The following RANBP2 variants were observed in gnomAD, a reference collection of about 807,000 sequenced individuals.
RANBP2 encodes E3 SUMO-protein ligase RanBP2.
Under a neutral mutation model 303.6 loss-of-function variants are expected in RANBP2, and 57 were observed. The observed-to-expected ratio is 0.19, with a 90% CI of 0.15 to 0.23. The LOEUF (loss-of-function observed/expected upper bound fraction) is 0.23, where lower values mean the gene tolerates loss of function less well. Among genes scored for constraint, RANBP2 ranks in the 10% least tolerant of loss-of-function variants. The probability of loss-of-function intolerance (pLI) is 1.00; values close to 1 mark genes in which losing one functional copy is unlikely to be tolerated. For missense variants in RANBP2, 3,138 were observed against 3,780.8 expected, an observed-to-expected ratio of 0.83 and a Z score of 4.46; for synonymous variants, 1,167 against 1,301.5, an observed-to-expected ratio of 0.90 and a Z score of 2.23.
chr2:109,234,569 G>A, the RANBP2 span, among the ~76,000 whole-genome samples: 1 of 152,200 alleles, frequency 6.6e-6, no homozygotes, highest in East Asian at 1.9e-4. Flanking sequence ...TGCAGTAACA[G>A]GCTGCCCTCG....
At chr2:109,111,638 T>C in the RANBP2 span, among the ~76,000 whole-genome samples, 1 of 151,770 alleles carries the variant, frequency 6.6e-6, no homozygotes, top group South Asian at 2.1e-4. Flanking sequence ...AAATTTTTGT[T>C]ATTATTATTA....
intron 6 of RANBP2, among the ~76,000 whole-genome samples, chr2:108,738,006 G>A (rs946143596): frequency 2.0e-5 from 3 of 149,226 alleles, no homozygotes; most frequent in Admixed American, 1.3e-4. Context: ...GAGCCACCGC[G>A]CCCAGCCCAC....
the RANBP2 span, among the ~76,000 whole-genome samples, chr2:109,569,601 T>G: frequency 7.2e-5 from 11 of 152,164 alleles, no homozygotes; most frequent in Non-Finnish European, 1.3e-4. Context: ...CAGAAAACTT[T>G]CCAGCAATCC....
chr2:108,927,073 A>T, the RANBP2 span, among the ~76,000 whole-genome samples: 1 of 152,164 alleles, frequency 6.6e-6, no homozygotes, highest in Non-Finnish European at 1.5e-5. Flanking sequence ...GGGCGTTGGG[A>T]CTGGCAGTGA....
At chr2:109,640,922 G>A in the RANBP2 span, among the ~76,000 whole-genome samples, 1 of 152,090 alleles carries the variant, frequency 6.6e-6, no homozygotes, top group African/African-American at 2.4e-5. Context: ...CCTGACACTT[G>A]GAGGCTATGG....
chr2:109,474,596 A>T, the RANBP2 span, among the ~76,000 whole-genome samples: 1 of 152,178 alleles, frequency 6.6e-6, no homozygotes, highest in Non-Finnish European at 1.5e-5. Flanking sequence ...CTTCAGACTT[A>T]CCCAGGTTTG....
the RANBP2 span, among the ~76,000 whole-genome samples, chr2:109,391,742 C>A: frequency 1.3e-5 from 2 of 152,202 alleles, no homozygotes; most frequent in Non-Finnish European, 2.9e-5. Flanking sequence ...GGGAACAGAA[C>A]GGCCACCAAC....
the RANBP2 span, among the ~76,000 whole-genome samples, chr2:108,879,202 G>A: frequency 1.3e-5 from 2 of 152,176 alleles, no homozygotes; most frequent in Admixed American, 1.3e-4. Context: ...GAACTCCTGA[G>A]CTCGAGCAGT....
the RANBP2 span, among the ~76,000 whole-genome samples, chr2:108,798,826 C>T: frequency 6.9e-6 from 1 of 145,368 alleles, no homozygotes; most frequent in African/African-American, 2.7e-5. Flanking sequence ...TACACACACA[C>T]ACACACACAC....
chr2:109,115,222 C>T, the RANBP2 span, among the ~76,000 whole-genome samples: 3 of 152,156 alleles, frequency 2.0e-5, no homozygotes, highest in Non-Finnish European at 2.9e-5. Context: ...CTAATGTTGA[C>T]AGTGAGGTGT....
the RANBP2 span, chr2:109,618,089 G>A: frequency 1.8e-5 from 3 of 166,840 alleles, no homozygotes; most frequent in Non-Finnish European, 4.4e-5. Flanking sequence ...CATTTATTGT[G>A]GGATTTCAGA....
chr2:109,355,523 A>G, the RANBP2 span, among the ~76,000 whole-genome samples: 31 of 152,068 alleles, frequency 2.0e-4, no homozygotes, highest in Non-Finnish European at 4.6e-4. Flanking sequence ...TTGACCTACA[A>G]CTCCTGAAAT....
chr2:109,614,183 G>A, the RANBP2 span: 1 of 1,157,342 alleles, frequency 8.6e-7, no homozygotes, highest in Non-Finnish European at 1.1e-6. Flanking sequence ...AGCAGTGATT[G>A]CGGCCCTCGC....
the RANBP2 span, among the ~76,000 whole-genome samples, chr2:109,423,990 G>T: frequency 1.3e-5 from 2 of 152,248 alleles, no homozygotes; most frequent in Admixed American, 1.3e-4. Context: ...GCAAAGGTCG[G>T]AGACGTCTGG....
At chr2:109,643,491 G>T in the RANBP2 span, among the ~76,000 whole-genome samples, 1 of 152,192 alleles carries the variant, frequency 6.6e-6, no homozygotes, top group Non-Finnish European at 1.5e-5. Context: ...TGGGCGCAGC[G>T]GCTCACACCT....
At chr2:108,944,190 T>G in the RANBP2 span, among the ~76,000 whole-genome samples, 42 of 152,326 alleles carry the variant, frequency 2.8e-4, no homozygotes, top group Non-Finnish European at 5.3e-4. Context: ...CTCGGCTCAC[T>G]GCAACCTCTG....
chr2:108,899,051 G>A, the RANBP2 span, among the ~76,000 whole-genome samples: 2 of 152,206 alleles, frequency 1.3e-5, no homozygotes, highest in African/African-American at 2.4e-5. Flanking sequence ...GTAAAGAGAC[G>A]TAAGTCTACA....
chr2:108,798,695 T>A, the RANBP2 span: 1 of 705,652 alleles, frequency 1.4e-6, no homozygotes, highest in South Asian at 1.9e-5. Context: ...CCCTTCCTCC[T>A]CCTCTCCACG....
the RANBP2 span, among the ~76,000 whole-genome samples, chr2:109,590,201 TG>T: frequency 6.6e-6 from 1 of 151,704 alleles, no homozygotes; most frequent in African/African-American, 2.4e-5. Flanking sequence ...ACTTACAGGT[TG>T]GGGTGAGAAG....
Sources: allele counts gnomAD v4.1 joint callset (sites outside exome capture counted in the v4.1 genomes callset), GRCh38; gene constraint gnomAD v4.1.1; transcripts MANE v1.5; gene names NCBI Gene and HGNC (gene_info 2026-07-23, HGNC 2026-07-21).